Variants in MKS1 observed in about 807,000 individuals in gnomAD.
MKS1 encodes MKS transition zone complex subunit 1, also known as tectonic-like complex member MKS1.
MKS1 carries 70 observed loss-of-function variants against 83.7 expected under a neutral mutation model. That is an observed-to-expected ratio of 0.84 (90% CI 0.69 to 1.02). The LOEUF is 1.02. Among genes scored for constraint, MKS1 ranks in the 50% least tolerant of loss-of-function variants. The probability of loss-of-function intolerance (pLI) is 0.00; values close to 1 mark genes in which losing one functional copy is unlikely to be tolerated. For missense variants in MKS1, 681 were observed against 726.9 expected (o/e 0.94, Z 0.73); for synonymous variants, 251 against 273.4 (o/e 0.92, Z 0.81).
At chr17:58,218,465 A>C (rs1362472651) in intron 2 of MKS1, 155 bp downstream of exon 2, 1 of 386,434 alleles carries the variant, frequency 2.6e-6, no homozygotes, top group Non-Finnish European at 4.8e-6. Flanking sequence ...AAAAAAAAAA[A>C]AAAAAAAAAA....
chr17:58,213,228 G>A (rs886070684), intron 7 of MKS1, 138 bp from the exon 8 acceptor site: 20 of 810,464 alleles, frequency 2.5e-5, no homozygotes, highest in Middle Eastern at 2.8e-4. Context: ...CTGTATTGAC[G>A]ACCAGGAGAG....
intron 11 of MKS1, 124 bp downstream of exon 11, chr17:58,210,535 G>T: frequency 1.0e-6 from 1 of 989,320 alleles, no homozygotes; most frequent in Non-Finnish European, 1.6e-6. Flanking sequence ...TAAAGTGGAT[G>T]TGATCTATGA....
In MKS1 at chr17:58,209,033, A is replaced by C. The variant is rs985191939; in HGVS notation, c.1025-450T>G. On this transcript the variant is annotated intron_variant, in intron 11 of 17. Coordinates refer to ENST00000393119, the MANE Select transcript of MKS1 (RefSeq NM_017777.4). This position sits in a 1 kb window ranked among gnomAD's most constrained non-coding sequence, Gnocchi z 4.1. ...AAGGCAGAAGAATTTTTCTTAGTAC[A>C]GAACAAAATGGAGTCTCCTATGTCT... 1.4e-4 allele frequency among the ~76,000 whole-genome samples: 21 copies of C among 152,214 alleles called. No homozygotes were observed. The highest frequency in any genetic ancestry group is 2.6e-4 in the Non-Finnish European group (18 of 68,036).
rs761061379 is a variant in MKS1 at position 58,219,137 on chromosome 17, G to A, written c.80+14C>T. On this transcript the variant is annotated intron_variant, in intron 1 of 17. Transcript: ENST00000393119. Reference sequence around the variant, plus strand: ...CAAAAGCATGGGGCCTCGGGGCTGGGGCGGTGCGACTACCGGAGGCGCAAG... The same window carrying A: ...CAAAAGCATGGGGCCTCGGGGCTGGAGCGGTGCGACTACCGGAGGCGCAAG... The A allele has an allele frequency of 1.2e-4, 188 of 1,550,966 alleles. No homozygotes were observed. The highest frequency in any genetic ancestry group is 6.7e-4 in the Middle Eastern group (4 of 5,992).
intron 7 of MKS1, among the ~76,000 whole-genome samples, chr17:58,213,429 C>T (rs1258483930): frequency 5.9e-5 from 9 of 152,176 alleles, no homozygotes. Context: ...TTCCAAGATA[C>T]AGAGATGAGG....
rs1969404120 is a variant in MKS1, at chr17:58,218,668, C to T, written c.142G>A (p.Gly48Arg). ...FLHYQPAAEL[G>R]KDLIDLATFR... is the part of the protein sequence containing the mutation. ...GTGGCCAAGTCTATGAGGTCCTTCC[C>T]GAGCTCGGCAGCAGGCTGATAATGA... is the stretch of plus-strand genomic sequence containing the variant. Residue 48 changes from glycine to arginine, a missense_variant, in exon 2 of 18, where the codon GGG becomes AGG. Physicochemically the swap from Gly to Arg is moderately radical, Grantham distance 125. Coordinates refer to ENST00000393119, the MANE Select transcript of MKS1 (RefSeq NM_017777.4). 6.2e-7 allele frequency: 1 copy of T among 1,613,894 alleles called. No homozygotes were observed. The highest frequency in any genetic ancestry group is 8.5e-7 in the Non-Finnish European group (1 of 1,179,922).
At position 58,205,488 on chromosome 17, in the gene MKS1, C is replaced by CA. The variant is rs1190269594; in HGVS notation, c.*590dup. ...AACAAAAAACAAAAAAACAAACAAA[C>CA]AAAAAAACACAGTAAAAGATACCAC... On this transcript the variant is annotated 3_prime_UTR_variant, in exon 18 of 18. Transcript: ENST00000393119. The CA allele has an allele frequency of 2.0e-5, 25 of 1,255,594 alleles. No homozygotes were observed. The highest frequency in any genetic ancestry group is 2.5e-5 in the Non-Finnish European group (24 of 970,852). The allele number at this position is 1,255,594 out of a possible 1,614,324, so 77.8% of individuals were successfully genotyped here.
intron 11 of MKS1, among the ~76,000 whole-genome samples, chr17:58,210,397 C>G (rs1362080131): frequency 6.6e-6 from 1 of 152,096 alleles, no homozygotes; most frequent in East Asian, 1.9e-4. Flanking sequence ...GAGGGGCCAC[C>G]AGCGAGATAG....
Position 58,207,943 on chromosome 17 carries a change from C to T in MKS1, c.1224G>A (p.Gln408=), listed in dbSNP as rs1216137211. 6.2e-7 allele frequency: 1 copy of T among 1,614,148 alleles called. No individual in the cohort carries two copies. ...CCCCATAGCCTTCCACACGGTACCTCTGCCAGAAGTCCAGCGAGAGGACCT... is the reference window on the plus strand; with the variant it reads ...CCCCATAGCCTTCCACACGGTACCTTTGCCAGAAGTCCAGCGAGAGGACCT... ...YCEVLSLDFW[Q]RYRVEGYGAV... The change falls in exon 14 of 18, where the codon CAG becomes CAA. Residue 408 remains glutamine, a synonymous_variant. Coordinates refer to ENST00000393119, the MANE Select transcript of MKS1 (RefSeq NM_017777.4).
At position 58,216,872 on chromosome 17, in the gene MKS1, C is replaced by T. The variant is rs1969251954; in HGVS notation, c.191-136G>A. The T allele has an allele frequency of 4.7e-6, 4 of 842,170 alleles. No individual in the cohort carries two copies. The East Asian group carries it at 7.9e-5, about 17-fold the overall frequency. 52.2% of individuals were successfully genotyped at this position (842,170 alleles called of 1,614,324 possible). A position where few individuals can be genotyped will look rare whatever the true frequency, so the allele number is the denominator to read the frequency against. On this transcript the variant is annotated intron_variant, in intron 2 of 17. Coordinates refer to ENST00000393119, the MANE Select transcript of MKS1 (RefSeq NM_017777.4). ...CTGGAATTCAGCAATTTAGTAAGCA[C>T]TCAACCTAGAGAAATGCTAGAGAGG... is the stretch of plus-strand genomic sequence containing the variant.
Position 58,218,629 on chromosome 17 carries a change from G to A in MKS1, c.181C>T (p.Pro61Ser). 2.5e-6 allele frequency: 4 copies of A among 1,608,144 alleles called. No homozygotes were observed. The highest frequency in any genetic ancestry group is 3.4e-6 in the Non-Finnish European group (4 of 1,174,668). Residue 61 changes from proline to serine, a missense_variant, in exon 2 of 18, where the codon CCA (proline) becomes TCA (serine). By Grantham distance (74) the Pro-to-Ser change is moderately conservative (BLOSUM62 -1). This residue lies in a region of MKS1 where 365 missense variants were observed against 383.8 expected (regional missense o/e 0.95). Coordinates refer to ENST00000393119, the MANE Select transcript of MKS1 (RefSeq NM_017777.4). The stretch of plus-strand genomic sequence containing the variant: ...CCACCGTAACACCCACTGGCAGTTG[G>A]CTGAGGCCTAAAAGTGGCCAAGTCT... ...LIDLATFRPQ[P>S]TASGHRPEED... is the part of the protein sequence containing the mutation.
Position 58,207,184 on chromosome 17 carries a change from A to G in MKS1, c.1308T>C (p.Pro436=). The G allele has an allele frequency of 6.2e-7, 1 of 1,614,170 alleles. No homozygotes were observed. Among genetic ancestry groups the G allele is most frequent in the African/African-American group, 1.3e-5 (1 of 75,052 alleles). The stretch of plus-strand genomic sequence containing the variant: ...GCTCAGCCACCGTGCCAAGCTCCAC[A>G]GGTCTCCACGTGGAGACTGTCAGGG... ...SHTLTVSTWR[P]VELGTVAELR... The change falls in exon 15 of 18, where the codon CCT becomes CCC. Residue 436 remains proline (P), a synonymous_variant. Transcript: ENST00000393119.
rs777103638 is a variant in MKS1, at chr17:58,213,017, C to T, written c.823G>A (p.Glu275Lys). Residue 275 changes from glutamate (E) to lysine (K), a missense_variant, in exon 8 of 18, where the codon GAG (glutamate) becomes AAG (lysine). Glu to Lys is a moderately conservative substitution (Grantham distance 56, BLOSUM62 1). Coordinates refer to ENST00000393119, the MANE Select transcript of MKS1 (RefSeq NM_017777.4). ...ACTCGCCGTTCCCGCTCCTCCTCCT[C>T]CGGCTGTGCGTGGGGGGAAACATTG... ...IDNVSPHAQP[E>K]EEERERRVFK... 3.1e-6 allele frequency: 5 copies of T among 1,614,192 alleles called. No individual in the cohort carries two copies. The highest frequency in any genetic ancestry group is 1.7e-5 in the Admixed American group (1 of 60,030).
In MKS1 at chr17:58,209,527, C is replaced by G. The variant is rs1968747561; in HGVS notation, c.1025-944G>C. Among the ~76,000 whole-genome samples the G allele has an allele frequency of 1.3e-5, 2 of 152,160 alleles. No homozygotes were observed. Among genetic ancestry groups the G allele is most frequent in the Admixed American group, 6.5e-5 (1 of 15,268 alleles). The stretch of plus-strand genomic sequence containing the variant: ...TTTAGACTGGGTGGTAAGAGAAGGC[C>G]TCTCAGAGGCGACACAGGCTGAGAC... On this transcript the variant is annotated intron_variant, in intron 11 of 17. Coordinates refer to ENST00000393119, the MANE Select transcript of MKS1 (RefSeq NM_017777.4). This position sits in a 1 kb window ranked among gnomAD's most constrained non-coding sequence, Gnocchi z 4.1.
At chr17:58,210,557 A>G (rs1300608022) in intron 11 of MKS1, 102 bp downstream of exon 11, 1 of 1,135,374 alleles carries the variant, frequency 8.8e-7, no homozygotes, top group Non-Finnish European at 1.3e-6. Context: ...CTTGAAAAGA[A>G]CAGTAACAGT....
intron 11 of MKS1, among the ~76,000 whole-genome samples, chr17:58,210,216 G>A (rs953126603): frequency 2.6e-5 from 4 of 152,162 alleles, no homozygotes; most frequent in African/African-American, 9.7e-5. Flanking sequence ...AAAGGTTAAG[G>A]CTAGAGGCAG....
intron 8 of MKS1, 67 bp from the exon 9 acceptor site, chr17:58,212,501 G>T: frequency 6.5e-7 from 1 of 1,546,242 alleles, no homozygotes; most frequent in South Asian, 1.1e-5. Context: ...AGTTCTGAAT[G>T]GGAAGAAGAA....
Position 58,212,365 on chromosome 17 carries a change from C to G in MKS1, c.915+13G>C. ...ACACAGCTCACAGTGCTGCAGGAAGCCAAGCTACTCACCATCTCAAAGTCG... is the reference window on the plus strand; with the variant it reads ...ACACAGCTCACAGTGCTGCAGGAAGGCAAGCTACTCACCATCTCAAAGTCG... On this transcript the variant is annotated intron_variant, in intron 9 of 17. Transcript: ENST00000393119. 6.2e-7 allele frequency: 1 copy of G among 1,614,180 alleles called. No homozygotes were observed. The highest frequency in any genetic ancestry group is 8.5e-7 in the Non-Finnish European group (1 of 1,180,012).
chr17:58,218,224 G>A (rs1191589024), intron 2 of MKS1, among the ~76,000 whole-genome samples: 1 of 152,078 alleles, frequency 6.6e-6, no homozygotes, highest in Non-Finnish European at 1.5e-5. Flanking sequence ...CAAGGCGGGC[G>A]GATCACGAGG....
Sources: gnomAD v4.1 joint callset for allele counts (sites outside exome capture counted in the v4.1 genomes callset) on GRCh38, gnomAD v4.1.1 for gene constraint, gnomAD v4.1.1 regional missense constraint, Gnocchi (gnomAD v3.1) non-coding constraint, MANE v1.5 for transcripts, NCBI Gene and HGNC (gene_info 2026-07-23, HGNC 2026-07-21) for gene names.